Variants in DZIP1 observed in about 807,000 individuals in gnomAD.
DZIP1 encodes DAZ interacting zinc finger protein 1.
Under a neutral mutation model 107.6 loss-of-function variants are expected in DZIP1, and 97 were observed. The ratio of observed to expected loss-of-function variants is 0.90; its 90% CI spans 0.77 to 1.07. The LOEUF is 1.07. Among genes scored for constraint, DZIP1 ranks in the 50% least tolerant of loss-of-function variants. DZIP1 has a pLI of 0.00. For missense variants in DZIP1, 1,035 were observed against 1,063.6 expected (o/e 0.97, Z 0.37); for synonymous variants, 390 against 386.4 (o/e 1.01, Z -0.11).
chr13:95,584,463 A>G (rs2044097850), intron 22 of DZIP1: 1 of 488,958 alleles, frequency 2.0e-6, no homozygotes, highest in East Asian at 1.2e-4. Context: ...CTGGGTGACA[A>G]TAACACCGTT....
chr13:95,590,890 G>T (rs1280612326), intron 16 of DZIP1, among the ~76,000 whole-genome samples: 1 of 152,166 alleles, frequency 6.6e-6, no homozygotes, highest in Admixed American at 6.5e-5. Context: ...AAACAGGTAA[G>T]GCACGTCCCA....
chr13:95,611,613 T>C, intron 11 of DZIP1, 120 bp from the exon 12 acceptor site: 3 of 826,614 alleles, frequency 3.6e-6, no homozygotes, highest in South Asian at 3.3e-5. Context: ...TCCAGGGACA[T>C]AGGGCATGTG....
chr13:95,613,506 C>T lies in DZIP1; in HGVS notation c.1174-1329G>A, dbSNP rs575137439. Among the ~76,000 whole-genome samples the T allele has an allele frequency of 3.6e-4, 47 of 130,522 alleles. 2 individuals are homozygous for T. The South Asian group carries it at 0.01, about 29-fold the overall frequency. 85.6% of individuals were successfully genotyped at this position (130,522 alleles called of 152,430 possible). ...CAGCCTGGGTGACAGAGCGAGATTC[C>T]GTCTCAAAAAAAAAAAAGGCTTCAT... On this transcript the variant is annotated intron_variant, in intron 10 of 22. Transcript: ENST00000376829.
chr13:95,605,069 CG>C (rs2139029599), intron 14 of DZIP1, among the ~76,000 whole-genome samples: 1 of 151,914 alleles, frequency 6.6e-6, no homozygotes, highest in Non-Finnish European at 1.5e-5. Flanking sequence ...AAATGATCTT[CG>C]GGAAAAAAAT....
At chr13:95,642,279 T>A in intron 3 of DZIP1, 38 bp from the exon 4 acceptor site, 1 of 448,072 alleles carries the variant, frequency 2.2e-6, no homozygotes, top group Admixed American at 4.3e-5. Flanking sequence ...CGAGCCCGAG[T>A]GGACACAGCC....
At position 95,579,004 on chromosome 13, in the gene DZIP1, G is replaced by A. The variant is rs2043977338; in HGVS notation, c.*3230C>T. On this transcript the variant is annotated 3_prime_UTR_variant, in exon 23 of 23. Coordinates refer to ENST00000376829, the MANE Select transcript of DZIP1 (RefSeq NM_198968.4). ...ATAGAGATATTGGTCATGGTTGACT[G>A]AGGAGCCAATTAAAACCTGTTTATG... The A allele has an allele frequency of 6.6e-6, 1 of 152,232 alleles. No homozygotes were observed. Among genetic ancestry groups the A allele is most frequent in the African/African-American group, 2.4e-5 (1 of 41,458 alleles). The allele number at this position is 152,232 out of a possible 1,614,324, so 9.4% of individuals were successfully genotyped here.
In DZIP1 at chr13:95,582,200, G is replaced by T. The variant is rs1315652282; in HGVS notation, c.*34C>A. On this transcript the variant is annotated 3_prime_UTR_variant, in exon 23 of 23. Transcript: ENST00000376829. ...TGAAACACTGTGATACTGAAATACT[G>T]CTGGCTTCTGGAATAATCTTCTGAC... The T allele has an allele frequency of 1.9e-6, 3 of 1,597,562 alleles. No homozygotes were observed. Among genetic ancestry groups the T allele is most frequent in the East Asian group, 4.5e-5 (2 of 44,784 alleles).
chr13:95,601,821 T>A (rs1429246048), intron 14 of DZIP1, among the ~76,000 whole-genome samples: 2 of 152,200 alleles, frequency 1.3e-5, no homozygotes, highest in African/African-American at 4.8e-5. Flanking sequence ...TTCACTGTGC[T>A]CTGACTTTCC....
intron 7 of DZIP1, among the ~76,000 whole-genome samples, chr13:95,627,647 AT>A (rs1183703928): frequency 6.6e-6 from 1 of 152,230 alleles, no homozygotes; most frequent in East Asian, 1.9e-4. Context: ...TATAACAAGT[AT>A]TGGTGAGGAT....
intron 15 of DZIP1, among the ~76,000 whole-genome samples, chr13:95,596,663 C>T (rs2044465558): frequency 6.6e-6 from 1 of 152,156 alleles, no homozygotes; most frequent in Non-Finnish European, 1.5e-5. Context: ...CCTATGTTTT[C>T]TTTCTGGAAA....
intron 9 of DZIP1, among the ~76,000 whole-genome samples, chr13:95,620,875 T>G (rs753920270): frequency 2.0e-5 from 3 of 152,186 alleles, no homozygotes; most frequent in Admixed American, 6.5e-5. Context: ...CGACCAGCTG[T>G]AGTCTACAGC....
At chr13:95,601,269 G>A (rs915180633) in intron 14 of DZIP1, among the ~76,000 whole-genome samples, 2 of 152,070 alleles carry the variant, frequency 1.3e-5, no homozygotes, top group African/African-American at 4.8e-5. Flanking sequence ...AAACAAGCAG[G>A]CTGATGTCCC....
chr13:95,620,111 G>A (rs560743190), intron 9 of DZIP1, among the ~76,000 whole-genome samples, 164 bp from the exon 10 acceptor site: 1 of 152,328 alleles, frequency 6.6e-6, no homozygotes, highest in South Asian at 2.1e-4. Context: ...AATCTCATGT[G>A]TTGAAGGAAG....
At chr13:95,620,131 G>A (rs1039176317) in intron 9 of DZIP1, among the ~76,000 whole-genome samples, 184 bp from the exon 10 acceptor site, 5 of 152,142 alleles carry the variant, frequency 3.3e-5, no homozygotes, top group African/African-American at 1.2e-4. Flanking sequence ...GGGCCTGGTG[G>A]GAGATGATTG....
chr13:95,610,111 T>TGTGTGTGAGAGAGAGAGA (rs368276400), intron 12 of DZIP1, among the ~76,000 whole-genome samples: 49 of 126,766 alleles, frequency 3.9e-4, no homozygotes, highest in African/African-American at 1.3e-3. Context: ...TGTGTGTGTG[T>TGTGTGTGAGAGAGAGAGA]GAGAGAGAGA....
At position 95,641,813 on chromosome 13, in the gene DZIP1, C is replaced by T. The variant is rs868598670; in HGVS notation, c.79G>A (p.Glu27Lys). 21 of 1,467,872 alleles carry T rather than the reference C, an allele frequency of 1.4e-5. No individual in the cohort carries two copies. Among genetic ancestry groups the T allele is most frequent in the Non-Finnish European group, 1.8e-5 (20 of 1,118,068 alleles). 90.9% of individuals were successfully genotyped at this position (1,467,872 alleles called of 1,614,324 possible). A position where few individuals can be genotyped will look rare whatever the true frequency, so the allele number is the denominator to read the frequency against. The change falls in exon 5 of 23, where the codon GAG (glutamate) becomes AAG (lysine). Residue 27 changes from glutamate (E) to lysine (K), a missense_variant. Physicochemically the swap from Glu to Lys is moderately conservative, Grantham distance 56. Transcript: ENST00000376829. The surrounding 1 kb of genome is among the most constrained non-coding windows in gnomAD (Gnocchi z 4.3). ...GCGGCCACAGCGACGTCGGGCCCCT[C>T]TGGGCCGCTGGCGAGCGGGTAGTAG... ...HVYYPLASGPEGPDVAVAAAA... is the reference protein window; with the variant it reads ...HVYYPLASGPKGPDVAVAAAA...
Position 95,599,410 on chromosome 13 carries a change from A to T in DZIP1, c.1492T>A (p.Ser498Thr). Residue 498 changes from serine to threonine, a missense_variant, in exon 15 of 23, where the codon TCG becomes ACG. Ser to Thr is a moderately conservative substitution (Grantham distance 58). Transcript: ENST00000376829. ...TCTTCTATTGGTTCCAGTATGTGCG[A>T]CGAGAATGCCTGTTCTATTAACAAG... ...LPMVHEQAFSSHILEPIEELS... is the reference protein window; with the variant it reads ...LPMVHEQAFSTHILEPIEELS... 1 of 1,613,786 alleles carries T rather than the reference A, an allele frequency of 6.2e-7. No homozygotes were observed. The highest frequency in any genetic ancestry group is 8.5e-7 in the Non-Finnish European group (1 of 1,179,754).
Position 95,641,430 on chromosome 13 carries a change from G to C in DZIP1, c.462C>G (p.Cys154Trp), listed in dbSNP as rs148665107. Reference sequence around the variant, plus strand: ...GCAGCTTCTTGCTCTGCTCGCCGTCGCAGTGGCTCAGGCGCAGCCGCTCCT... The same window carrying C: ...GCAGCTTCTTGCTCTGCTCGCCGTCCCAGTGGCTCAGGCGCAGCCGCTCCT... ...TLEERLRLSHCDGEQSKKLLT... is the reference protein window; with the variant it reads ...TLEERLRLSHWDGEQSKKLLT... The change falls in exon 5 of 23, where the codon TGC becomes TGG. Residue 154 changes from cysteine (C) to tryptophan (W), a missense_variant. By Grantham distance (215) the Cys-to-Trp change is radical. Coordinates refer to ENST00000376829, the MANE Select transcript of DZIP1 (RefSeq NM_198968.4). The surrounding 1 kb of genome is among the most constrained non-coding windows in gnomAD (Gnocchi z 4.3). 7 of 1,614,130 alleles carry C rather than the reference G, an allele frequency of 4.3e-6. No individual in the cohort carries two copies. Among genetic ancestry groups the C allele is most frequent in the Non-Finnish European group, 5.1e-6 (6 of 1,180,014 alleles).
At chr13:95,620,092 C>T in intron 9 of DZIP1, 145 bp from the exon 10 acceptor site, 1 of 771,450 alleles carries the variant, frequency 1.3e-6, no homozygotes, top group Non-Finnish European at 2.0e-6. Flanking sequence ...GGCTCTCGGT[C>T]CCCACTCAAA....
Sources: gnomAD v4.1 joint callset for allele counts (sites outside exome capture counted in the v4.1 genomes callset) on GRCh38, gnomAD v4.1.1 for gene constraint, Gnocchi (gnomAD v3.1) non-coding constraint, MANE v1.5 for transcripts, NCBI Gene and HGNC (gene_info 2026-07-23, HGNC 2026-07-21) for gene names.